Variants in ZYG11A observed in about 807,000 individuals in gnomAD.
The protein encoded by ZYG11A is zyg-11 family member A, cell cycle regulator.
In ZYG11A, 62 loss-of-function variants were observed where a neutral mutation model predicts 77.2. The observed-to-expected ratio is 0.80, with a 90% CI of 0.65 to 0.99. The LOEUF is 0.99. Among genes scored for constraint, ZYG11A ranks in the 50% least tolerant of loss-of-function variants. The pLI is 0.00. For missense variants in ZYG11A, 828 were observed against 896.8 expected (o/e 0.92, Z 0.98); for synonymous variants, 315 against 324.6 (o/e 0.97, Z 0.32).
At chr1:52,845,720 T>C (rs148661575) in intron 1 of ZYG11A, among the ~76,000 whole-genome samples, 300 of 152,166 alleles carry the variant, frequency 2.0e-3, no homozygotes, top group African/African-American at 6.9e-3. Flanking sequence ...AATTGATTTT[T>C]GCAGGGAGGA....
chr1:52,850,017 T>G (rs1445709036), intron 1 of ZYG11A, among the ~76,000 whole-genome samples: 1 of 152,176 alleles, frequency 6.6e-6, no homozygotes, highest in Non-Finnish European at 1.5e-5. Flanking sequence ...TGCTTAAGAT[T>G]GGTTAAGAAG....
intron 11 of ZYG11A, among the ~76,000 whole-genome samples, chr1:52,883,412 C>T (rs1646393886): frequency 6.6e-6 from 1 of 150,968 alleles, no homozygotes; most frequent in South Asian, 2.1e-4. Context: ...GTGTGAGCCA[C>T]CATGCCTGGC....
intron 13 of ZYG11A, among the ~76,000 whole-genome samples, chr1:52,890,053 G>GT (rs67041059): frequency 0.46 from 53,996 of 118,350 alleles, 12,871 homozygotes; most frequent in Non-Finnish European, 0.55. Flanking sequence ...ATCACTGCTT[G>GT]TTTTTTTTTT....
intron 1 of ZYG11A, among the ~76,000 whole-genome samples, chr1:52,844,590 T>C (rs994545426): frequency 2.0e-5 from 3 of 152,182 alleles, no homozygotes; most frequent in African/African-American, 7.2e-5. Flanking sequence ...ATACAATTAT[T>C]TCCATTTATG....
chr1:52,870,388 G>C (rs1195920281), intron 8 of ZYG11A, among the ~76,000 whole-genome samples: 1 of 151,696 alleles, frequency 6.6e-6, no homozygotes, highest in Non-Finnish European at 1.5e-5. Context: ...TGGGCAGCCA[G>C]GCAGAGGGGC....
intron 8 of ZYG11A, among the ~76,000 whole-genome samples, chr1:52,876,045 T>G (rs1646256071): frequency 6.6e-6 from 1 of 151,806 alleles, no homozygotes; most frequent in African/African-American, 2.4e-5. Flanking sequence ...GCAAGTAGAT[T>G]GGTAGCTTTT....
At chr1:52,848,637 G>A (rs544762097) in intron 1 of ZYG11A, among the ~76,000 whole-genome samples, 12 of 152,198 alleles carry the variant, frequency 7.9e-5, no homozygotes, top group South Asian at 6.2e-4. Flanking sequence ...TCTCCCACAC[G>A]TTGGGAGGCT....
intron 4 of ZYG11A, among the ~76,000 whole-genome samples, chr1:52,863,585 A>G (rs564585736): frequency 6.6e-6 from 1 of 152,162 alleles, no homozygotes; most frequent in South Asian, 2.1e-4. Context: ...CTTTTCTTCA[A>G]TTTTATTTTT....
intron 13 of ZYG11A, among the ~76,000 whole-genome samples, chr1:52,889,303 T>TC (rs1016408849): frequency 1.3e-5 from 2 of 151,982 alleles, no homozygotes; most frequent in Admixed American, 6.6e-5. Flanking sequence ...CCTGGGGTTC[T>TC]CCCCAAAAAG....
intron 11 of ZYG11A, among the ~76,000 whole-genome samples, chr1:52,882,979 C>CTCATTTTTTCTTTTTTTTTTTTTTTTTTT (rs1646385322): frequency 6.7e-6 from 1 of 150,130 alleles, no homozygotes; most frequent in African/African-American, 2.5e-5. Flanking sequence ...CCTTCCCAGA[C>CTCATTTTTTCTTTTTTTTTTTTTTTTTTT]TCATCTTTTC....
At chr1:52,873,786 C>T (rs984565982) in intron 8 of ZYG11A, among the ~76,000 whole-genome samples, 3 of 152,008 alleles carry the variant, frequency 2.0e-5, no homozygotes, top group Non-Finnish European at 2.9e-5. Context: ...GAAATCGAGA[C>T]CAGCCTGGCC....
intron 8 of ZYG11A, among the ~76,000 whole-genome samples, chr1:52,873,652 G>A (rs892252964): frequency 1.3e-5 from 2 of 152,160 alleles, no homozygotes; most frequent in African/African-American, 4.8e-5. Context: ...CTGGTTGGAT[G>A]AGACAGCAGC....
At chr1:52,858,365 G>A (rs534836539) in intron 3 of ZYG11A, among the ~76,000 whole-genome samples, 2 of 148,898 alleles carry the variant, frequency 1.3e-5, no homozygotes, top group South Asian at 2.3e-4. Context: ...GGCCAAAAGC[G>A]AAACGCAGTC....
At chr1:52,857,939 T>A (rs1399185533) in intron 3 of ZYG11A, among the ~76,000 whole-genome samples, 190 bp downstream of exon 3, 1 of 151,932 alleles carries the variant, frequency 6.6e-6, no homozygotes, top group African/African-American at 2.4e-5. Context: ...TATTATTATT[T>A]TTTGAGATGG....
chr1:52,852,697 T>G (rs1645737728), intron 1 of ZYG11A, among the ~76,000 whole-genome samples: 1 of 152,158 alleles, frequency 6.6e-6, no homozygotes, highest in African/African-American at 2.4e-5. Flanking sequence ...ATTTTTTGCC[T>G]TATGATAGGG....
In ZYG11A at chr1:52,894,346, G is replaced by A. The variant is rs993339706; in HGVS notation, c.*1389G>A. On this transcript the variant is annotated 3_prime_UTR_variant, in exon 14 of 14. Coordinates refer to ENST00000371528, the MANE Select transcript of ZYG11A (RefSeq NM_001004339.3). ...AAAGAGACTTTGCCAGAGAGTTCAC[G>A]GAGTTTTCTTACCCCGCATGCTGAC... The A allele has an allele frequency of 2.6e-5, 4 of 152,112 alleles. No individual in the cohort carries two copies. The highest frequency in any genetic ancestry group is 1.9e-4 in the East Asian group (1 of 5,190). The allele number at this position is 152,112 out of a possible 1,614,324, so 9.4% of individuals were successfully genotyped here. A position where few individuals can be genotyped will look rare whatever the true frequency, so the allele number is the denominator to read the frequency against.
chr1:52,848,211 C>T (rs1477986178), intron 1 of ZYG11A, among the ~76,000 whole-genome samples: 5 of 151,996 alleles, frequency 3.3e-5, no homozygotes, highest in Admixed American at 3.3e-4. Context: ...CCATGTTGGC[C>T]AGGTGGGTCT....
rs999004844 is a variant in ZYG11A, at chr1:52,842,840, C to T, written c.-44C>T. ...GGTTCTCGCGGGATCCGGGCTCCGG[C>T]TCGACGCCGGCTCTCTTTTTGACGC... On this transcript the variant is annotated 5_prime_UTR_variant, in exon 1 of 14. Transcript: ENST00000371528. 9 of 1,516,082 alleles carry T rather than the reference C, an allele frequency of 5.9e-6. No homozygotes were observed. Among genetic ancestry groups the T allele is most frequent in the African/African-American group, 5.7e-5 (4 of 69,668 alleles). 93.9% of individuals were successfully genotyped at this position (1,516,082 alleles called of 1,614,324 possible).
At position 52,877,755 on chromosome 1, in the gene ZYG11A, C is replaced by A; in HGVS notation, c.1616C>A (p.Ala539Glu). 1 of 1,552,036 alleles carries A rather than the reference C, an allele frequency of 6.4e-7. No individual in the cohort carries two copies. The highest frequency in any genetic ancestry group is 1.2e-5 in the South Asian group (1 of 84,030). Residue 539 changes from alanine (A) to glutamate (E), a missense_variant, in exon 9 of 14, where the codon GCA (alanine) becomes GAA (glutamate). By Grantham distance (107) the Ala-to-Glu change is moderately radical. Transcript: ENST00000371528. ...DDVTFLFTLK[A>E]LWNLTDGSPA... ...GTCACCTTCTTGTTTACTTTGAAAG[C>A]ACTTTGGAATCTTACAGATGGGTCT... is the stretch of plus-strand genomic sequence containing the variant.
Sources: allele counts gnomAD v4.1 joint callset (sites outside exome capture counted in the v4.1 genomes callset), GRCh38; gene constraint gnomAD v4.1.1; transcripts MANE v1.5; gene names NCBI Gene and HGNC (gene_info 2026-07-23, HGNC 2026-07-21).